ADAMTS9: variants seen among roughly 807,000 people sequenced by gnomAD.
ADAMTS9 encodes ADAM metallopeptidase with thrombospondin type 1 motif 9.
ADAMTS9 carries 107 observed loss-of-function variants against 257.1 expected under a neutral mutation model. The observed-to-expected ratio is 0.42, with a 90% CI of 0.36 to 0.49. The LOEUF is 0.49. Ranked by LOEUF, ADAMTS9 falls within the 20% of genes least tolerant of loss-of-function variation. The pLI, the probability that ADAMTS9 is intolerant of heterozygous loss-of-function variation, is 0.03. For missense variants in ADAMTS9, 2,353 were observed against 2,469.1 expected, an observed-to-expected ratio of 0.95 and a Z score of 1.00; for synonymous variants, 982 against 880.9, an observed-to-expected ratio of 1.11 and a Z score of -2.03.
chr3:64,546,807 AG>A lies in ADAMTS9; in HGVS notation c.5014del (p.Leu1672Ter). 1 of 1,613,402 alleles carries A rather than the reference AG, an allele frequency of 6.2e-7. No individual in the cohort carries two copies. The highest frequency in any genetic ancestry group is 8.5e-7 in the Non-Finnish European group (1 of 1,179,658). The part of the protein sequence containing the change: ...TQPPSVHPCY[L>X]RDCPVSATWR... ...GGTGGCCGAGACAGGGCAGTCCCTC[AG>A]GTAACAGGGGTGAACACTGGGGGGC... On this transcript the variant is annotated frameshift_variant, in exon 32 of 40. Coordinates refer to ENST00000498707, the MANE Select transcript of ADAMTS9 (RefSeq NM_182920.2). LOFTEE classifies it high-confidence loss of function.
chr3:64,605,427 T>C (rs758441089), intron 23 of ADAMTS9, among the ~76,000 whole-genome samples: 13 of 152,230 alleles, frequency 8.5e-5, no homozygotes, highest in Non-Finnish European at 1.5e-4. Context: ...AATTGATCGA[T>C]GATGACAACA....
At chr3:64,615,286 A>G (rs1374806224) in intron 21 of ADAMTS9, 35 bp downstream of exon 21, 2 of 1,605,168 alleles carry the variant, frequency 1.2e-6, no homozygotes, top group Non-Finnish European at 8.5e-7. Flanking sequence ...AATGTAAGAG[A>G]TGACCTAGGG....
chr3:64,653,783 G>C (rs78664430), intron 8 of ADAMTS9, among the ~76,000 whole-genome samples: 3,577 of 152,266 alleles, frequency 0.023, 61 homozygotes, highest in Middle Eastern at 0.061. Context: ...AAAGGGAAAG[G>C]CCATTTCATA....
chr3:64,536,742 C>T (rs1293695060), intron 37 of ADAMTS9, among the ~76,000 whole-genome samples: 1 of 152,170 alleles, frequency 6.6e-6, no homozygotes, highest in Non-Finnish European at 1.5e-5. Flanking sequence ...ATACTGAGTA[C>T]AGTGACTAAA....
chr3:64,524,416 A>G (rs2082885523), intron 38 of ADAMTS9, among the ~76,000 whole-genome samples: 1 of 152,206 alleles, frequency 6.6e-6, no homozygotes, highest in African/African-American at 2.4e-5. Context: ...GTGTTTGGCA[A>G]TATCAATGCA....
intron 30 of ADAMTS9, among the ~76,000 whole-genome samples, chr3:64,557,304 T>C (rs1038801562): frequency 7.9e-5 from 12 of 152,194 alleles, no homozygotes; most frequent in African/African-American, 2.9e-4. Flanking sequence ...CATGGCCCCA[T>C]ACGATCACAA....
chr3:64,673,573 G>A (rs924870180), intron 3 of ADAMTS9, among the ~76,000 whole-genome samples: 5 of 152,176 alleles, frequency 3.3e-5, no homozygotes, highest in South Asian at 2.1e-4. Flanking sequence ...TGTGGACTTT[G>A]TTTAGATCAC....
chr3:64,597,524 G>A (rs4549267), intron 26 of ADAMTS9, among the ~76,000 whole-genome samples: 2,266 of 152,274 alleles, frequency 0.015, 123 homozygotes, highest in Admixed American at 0.1. Flanking sequence ...TCATTTCCTA[G>A]CAGATAAAAT....
At chr3:64,672,828 T>G (rs1285640536) in intron 3 of ADAMTS9, among the ~76,000 whole-genome samples, 1 of 152,174 alleles carries the variant, frequency 6.6e-6, no homozygotes, top group Non-Finnish European at 1.5e-5. Flanking sequence ...AGGGAGATCC[T>G]TTAAGGATAG....
rs754279871 is a variant in ADAMTS9 at position 64,654,612 on chromosome 3, T to C, written c.1170A>G (p.Arg390=). Residue 390 remains arginine, a splice_region_variant and synonymous_variant, in exon 7 of 40, where the codon AGA becomes AGG. Transcript: ENST00000498707. ...TGTCGTGAGCTCTGCAGATATCCTG[T>C]CTGAAAGCAAAGCAGACTTAGGCCT... The part of the protein sequence containing the change: ...IHHDTAVLLT[R]QDICRAHDKC... 6.2e-7 allele frequency: 1 copy of C among 1,614,134 alleles called. No individual in the cohort carries two copies.
intron 32 of ADAMTS9, among the ~76,000 whole-genome samples, chr3:64,545,628 C>T (rs534325571): frequency 2.0e-5 from 3 of 151,970 alleles, no homozygotes; most frequent in Admixed American, 1.3e-4. Context: ...GGCAGGGGGA[C>T]GGATAGCATT....
chr3:64,648,124 C>T (rs768222920), intron 10 of ADAMTS9, 80 bp from the exon 11 acceptor site: 25 of 1,283,374 alleles, frequency 1.9e-5, no homozygotes, highest in Non-Finnish European at 2.6e-5. Context: ...TTGCTTTCAA[C>T]TAATGTTTCA....
At chr3:64,566,678 C>G (rs1184349084) in intron 29 of ADAMTS9, among the ~76,000 whole-genome samples, 1 of 151,942 alleles carries the variant, frequency 6.6e-6, no homozygotes, top group Non-Finnish European at 1.5e-5. Context: ...TGGCTTTTAA[C>G]ATGAGCATCA....
At chr3:64,575,403 G>A (rs1362117804) in intron 28 of ADAMTS9, among the ~76,000 whole-genome samples, 5 of 152,138 alleles carry the variant, frequency 3.3e-5, no homozygotes, top group East Asian at 1.9e-4. Flanking sequence ...GGCTCCCGTC[G>A]CAATGGGGGC....
At chr3:64,643,149 G>A (rs1439807200) in intron 11 of ADAMTS9, among the ~76,000 whole-genome samples, 7 of 152,154 alleles carry the variant, frequency 4.6e-5, no homozygotes. Context: ...CCCATGAAAT[G>A]CGCACTGAGG....
chr3:64,643,643 A>G (rs1187652245), intron 11 of ADAMTS9, among the ~76,000 whole-genome samples: 1 of 151,562 alleles, frequency 6.6e-6, no homozygotes, highest in African/African-American at 2.4e-5. Context: ...TTATAGAGAC[A>G]GTTAGGGGTG....
chr3:64,609,723 T>C (rs981058986), intron 22 of ADAMTS9, among the ~76,000 whole-genome samples: 3 of 152,120 alleles, frequency 2.0e-5, no homozygotes, highest in Admixed American at 2.0e-4. Flanking sequence ...AACCCACAGA[T>C]TCAGTGAAAT....
chr3:64,639,534 T>C (rs1157149813), intron 12 of ADAMTS9, among the ~76,000 whole-genome samples: 1 of 149,814 alleles, frequency 6.7e-6, no homozygotes, highest in Non-Finnish European at 1.5e-5. Context: ...ACATTACTTC[T>C]AGAATTGCTC....
chr3:64,559,496 C>G (rs1271912326), intron 30 of ADAMTS9, among the ~76,000 whole-genome samples: 1 of 152,228 alleles, frequency 6.6e-6, no homozygotes, highest in Non-Finnish European at 1.5e-5. Flanking sequence ...CTATTAGACT[C>G]TGCTTTTCCT....
Sources: allele counts gnomAD v4.1 joint callset (sites outside exome capture counted in the v4.1 genomes callset), GRCh38; gene constraint gnomAD v4.1.1; transcripts MANE v1.5; gene names NCBI Gene and HGNC (gene_info 2026-07-23, HGNC 2026-07-21).